CCDC166: variants seen among roughly 807,000 people sequenced by gnomAD.
The protein encoded by CCDC166 is coiled-coil domain containing 166, also known as coiled-coil domain-containing protein 166.
CCDC166 carries 17 observed loss-of-function variants against 14.4 expected under a neutral mutation model. The ratio of observed to expected loss-of-function variants is 1.18; its 90% CI spans 0.81 to 1.77. CCDC166 has a LOEUF of 1.77. Ranked by LOEUF, CCDC166 falls within the 40% of genes most tolerant of loss-of-function variation. CCDC166 has a pLI of 0.00. For synonymous variants in CCDC166, 336 were observed against 330.1 expected, an observed-to-expected ratio of 1.02 and a Z score of -0.20; for missense variants, 738 against 665.8, an observed-to-expected ratio of 1.11 and a Z score of -1.19.
chr8:143,706,722 G>A lies in CCDC166; in HGVS notation c.1292C>T (p.Ala431Val). The part of the protein sequence containing the change: ...QSEDSVNAEA[A>V]AEASPGRA ...GGCTCTACCCGGGGAGGCTTCTGCC[G>A]CAGCTTCAGCGTTCACGCTGTCCTC... Residue 431 changes from alanine (A) to valine (V), a missense_variant, in exon 2 of 2, where the codon GCG becomes GTG. Transcript: ENST00000542437. The A allele has an allele frequency of 1.3e-6, 2 of 1,545,772 alleles. No homozygotes were observed. Among genetic ancestry groups the A allele is most frequent in the Non-Finnish European group, 8.7e-7 (1 of 1,143,096 alleles).
At position 143,707,159 on chromosome 8, in the gene CCDC166, C is replaced by T. The variant is rs1173341760; in HGVS notation, c.855G>A (p.Pro285=). Reference sequence around the variant, plus strand: ...GGCGCGAGGTGGGCTGGGAGAAGGCCGGCCGCTCCCAGAGCGGCGGGCCTC... The same window carrying T: ...GGCGCGAGGTGGGCTGGGAGAAGGCTGGCCGCTCCCAGAGCGGCGGGCCTC... ...GPGGPPLWER[P]AFSQPTSRPG... Residue 285 remains proline, a synonymous_variant, in exon 2 of 2, where the codon CCG becomes CCA. Transcript: ENST00000542437. The surrounding 1 kb of genome is among the most constrained non-coding windows in gnomAD (Gnocchi z 8.0). 1 of 1,406,390 alleles carries T rather than the reference C, an allele frequency of 7.1e-7. No homozygotes were observed. Among genetic ancestry groups the T allele is most frequent in the Non-Finnish European group, 9.2e-7 (1 of 1,090,834 alleles). 87.1% of individuals were successfully genotyped at this position (1,406,390 alleles called of 1,614,324 possible).
Position 143,706,932 on chromosome 8 carries a change from A to G in CCDC166, c.1082T>C (p.Leu361Pro). 1 of 1,548,906 alleles carries G rather than the reference A, an allele frequency of 6.5e-7. No homozygotes were observed. Among genetic ancestry groups the G allele is most frequent in the South Asian group, 1.2e-5 (1 of 84,058 alleles). Residue 361 changes from leucine to proline, a missense_variant, in exon 2 of 2, where the codon CTG (leucine) becomes CCG (proline). Coordinates refer to ENST00000542437, the MANE Select transcript of CCDC166 (RefSeq NM_001162914.1). The stretch of plus-strand genomic sequence containing the variant: ...CCGGGAGCCTGCGCGCGAAGCGGTC[A>G]GGGATGGCATCCGGGATCCCACCTT... ...TSKVGSRMPS[L>P]TASRAGSRAL...
In CCDC166 at chr8:143,707,706, G is replaced by C. The variant is rs1554616888; in HGVS notation, c.404C>G (p.Ala135Gly). The C allele has an allele frequency of 6.6e-7, 1 of 1,509,914 alleles. No individual in the cohort carries two copies. The highest frequency in any genetic ancestry group is 2.1e-5 in the Admixed American group (1 of 48,724). The allele number at this position is 1,509,914 out of a possible 1,614,324, so 93.5% of individuals were successfully genotyped here. A position where few individuals can be genotyped will look rare whatever the true frequency, so the allele number is the denominator to read the frequency against. ...CTCTTGCACCTGCTGTGCCATCTGT[G>C]CCGCGCGCGCCTCCATCTCCAACAG... The part of the protein sequence containing the change: ...AQLLEMEARA[A>G]QMAQQVQELQ... Residue 135 changes from alanine (A) to glycine (G), a missense_variant, in exon 1 of 2, where the codon GCA becomes GGA. Physicochemically the swap from Ala to Gly is moderately conservative, Grantham distance 60 (BLOSUM62 0). Coordinates refer to ENST00000542437, the MANE Select transcript of CCDC166 (RefSeq NM_001162914.1). The surrounding 1 kb of genome is among the most constrained non-coding windows in gnomAD (Gnocchi z 8.0).
At position 143,707,957 on chromosome 8, in the gene CCDC166, G is replaced by T. The variant is rs1554616997; in HGVS notation, c.153C>A (p.Ser51Arg). Residue 51 changes from serine (S) to arginine (R), a missense_variant, in exon 1 of 2, where the codon AGC (serine) becomes AGA (arginine). Transcript: ENST00000542437. This position sits in a 1 kb window ranked among gnomAD's most constrained non-coding sequence, Gnocchi z 8.0. Reference protein sequence around the residue: ...LSEQLDTCEESVDQVLRENAF... With the variant: ...LSEQLDTCEERVDQVLRENAF... ...CGTTCTCTCGCAGCACCTGGTCAAC[G>T]CTCTCCTCGCAGGTGTCCAGCTGCT... 4 of 1,537,032 alleles carry T rather than the reference G, an allele frequency of 2.6e-6. No individual in the cohort carries two copies. The highest frequency in any genetic ancestry group is 3.5e-6 in the Non-Finnish European group (4 of 1,146,598).
rs1563740900 is a variant in CCDC166 at position 143,707,033 on chromosome 8, CG to C, written c.980del (p.Pro327ArgfsTer35). ...AGGGGACCCGGGAAGCCTCGCGCGA[CG>C]GGACCACGGACGAGGCCCGGGGGGC... ...RAAPRASSVV[P>X]SREASRVPSL... is the part of the protein sequence containing the mutation. On this transcript the variant is annotated frameshift_variant, in exon 2 of 2. Coordinates refer to ENST00000542437, the MANE Select transcript of CCDC166 (RefSeq NM_001162914.1). LOFTEE classifies it low-confidence loss of function (END_TRUNC). This position sits in a 1 kb window ranked among gnomAD's most constrained non-coding sequence, Gnocchi z 8.0. 1.3e-6 allele frequency: 2 copies of C among 1,535,404 alleles called. No individual in the cohort carries two copies. The highest frequency in any genetic ancestry group is 2.5e-5 in the East Asian group (1 of 40,800).
chr8:143,708,047 C>G lies in CCDC166; in HGVS notation c.63G>C (p.Ala21=), dbSNP rs1045844985. The change falls in exon 1 of 2, where the codon GCG becomes GCC. Residue 21 remains alanine (A), a synonymous_variant. Coordinates refer to ENST00000542437, the MANE Select transcript of CCDC166 (RefSeq NM_001162914.1). The part of the protein sequence containing the change: ...AGSQPGGAAA[A]GAEQPLSERA... ...GCTCCGATAGCGGCTGCTCGGCACC[C>G]GCGGCCGCCGCACCACCTGGCTGGC... 1 of 1,488,230 alleles carries G rather than the reference C, an allele frequency of 6.7e-7. No homozygotes were observed. Among genetic ancestry groups the G allele is most frequent in the East Asian group, 2.5e-5 (1 of 39,724 alleles). The allele number at this position is 1,488,230 out of a possible 1,614,324, so 92.2% of individuals were successfully genotyped here.
At position 143,707,534 on chromosome 8, in the gene CCDC166, C is replaced by A; in HGVS notation, c.480G>T (p.Ala160=). 7.3e-7 allele frequency: 1 copy of A among 1,364,944 alleles called. No homozygotes were observed. The highest frequency in any genetic ancestry group is 9.4e-7 in the Non-Finnish European group (1 of 1,062,678). The allele number at this position is 1,364,944 out of a possible 1,614,324, so 84.6% of individuals were successfully genotyped here. Residue 160 remains alanine, a synonymous_variant, in exon 2 of 2, where the codon GCG becomes GCT. Coordinates refer to ENST00000542437, the MANE Select transcript of CCDC166 (RefSeq NM_001162914.1). This position sits in a 1 kb window ranked among gnomAD's most constrained non-coding sequence, Gnocchi z 8.0. The stretch of plus-strand genomic sequence containing the variant: ...GCATATGCAGCAGCTCGCGCTCCAG[C>A]GCCCGGATCCGGGCCAGCTGCTCCA... The part of the protein sequence containing the change: ...LQLEQLARIR[A]LERELLHMRV...
rs1554616910 is a variant in CCDC166 at position 143,707,755 on chromosome 8, G to C, written c.355C>G (p.Arg119Gly). The C allele has an allele frequency of 2.3e-5, 35 of 1,536,928 alleles. No individual in the cohort carries two copies. Among genetic ancestry groups the C allele is most frequent in the Non-Finnish European group, 3.0e-5 (34 of 1,144,570 alleles). ...AGCTGCGCGCGCACCCCGTCCTCGC[G>C]CCCGTGGTAGAGCGAGGCCAGTTCC... ...RAELASLYHG[R>G]EDGVRAQLLE... Residue 119 changes from arginine (R) to glycine (G), a missense_variant, in exon 1 of 2, where the codon CGC (arginine) becomes GGC (glycine). Transcript: ENST00000542437. The surrounding 1 kb of genome is among the most constrained non-coding windows in gnomAD (Gnocchi z 8.0).
chr8:143,707,451 G>A lies in CCDC166; in HGVS notation c.563C>T (p.Ala188Val), dbSNP rs1554616814. 2.0e-6 allele frequency: 3 copies of A among 1,476,746 alleles called. No individual in the cohort carries two copies. The highest frequency in any genetic ancestry group is 2.7e-6 in the Non-Finnish European group (3 of 1,121,478). The allele number at this position is 1,476,746 out of a possible 1,614,324, so 91.5% of individuals were successfully genotyped here. Residue 188 changes from alanine (A) to valine (V), a missense_variant, in exon 2 of 2, where the codon GCG becomes GTG. By Grantham distance (64) the Ala-to-Val change is moderately conservative. Coordinates refer to ENST00000542437, the MANE Select transcript of CCDC166 (RefSeq NM_001162914.1). This position sits in a 1 kb window ranked among gnomAD's most constrained non-coding sequence, Gnocchi z 8.0. ...CTGACGCGCCTCGCGCTCGAAGGCC[G>A]CCTTGTCCTCCAGGAAGCGCCGCTT... ...RVKRRFLEDK[A>V]AFEREARQRV...
rs782277718 is a variant in CCDC166, at chr8:143,708,019, C to T, written c.91G>A (p.Ala31Thr). The T allele has an allele frequency of 2.4e-5, 37 of 1,515,196 alleles. No individual in the cohort carries two copies. Among genetic ancestry groups the T allele is most frequent in the Admixed American group, 4.0e-5 (2 of 50,454 alleles). 93.9% of individuals were successfully genotyped at this position (1,515,196 alleles called of 1,614,324 possible). A position where few individuals can be genotyped will look rare whatever the true frequency, so the allele number is the denominator to read the frequency against. Residue 31 changes from alanine (A) to threonine (T), a missense_variant, in exon 1 of 2, where the codon GCG (alanine) becomes ACG (threonine). Transcript: ENST00000542437. ...AGAEQPLSER[A>T]QYLQREHALL... is the part of the protein sequence containing the mutation. ...GCGTGTTCGCGTTGCAGGTACTGCG[C>T]GCGCTCCGATAGCGGCTGCTCGGCA...
Position 143,707,433 on chromosome 8 carries a change from G to T in CCDC166, c.581C>A (p.Ala194Glu). The T allele has an allele frequency of 6.8e-7, 1 of 1,474,888 alleles. No homozygotes were observed. Among genetic ancestry groups the T allele is most frequent in the Non-Finnish European group, 8.9e-7 (1 of 1,120,788 alleles). The allele number at this position is 1,474,888 out of a possible 1,614,324, so 91.4% of individuals were successfully genotyped here. A position where few individuals can be genotyped will look rare whatever the true frequency, so the allele number is the denominator to read the frequency against. ...LEDKAAFERE[A>E]RQRVQSLARR... ...CGCCAGTGACTGCACGCGCTGACGC[G>T]CCTCGCGCTCGAAGGCCGCCTTGTC... is the stretch of plus-strand genomic sequence containing the variant. Residue 194 changes from alanine to glutamate, a missense_variant, in exon 2 of 2, where the codon GCG becomes GAG. Ala to Glu is a moderately radical substitution (Grantham distance 107, BLOSUM62 -1). Coordinates refer to ENST00000542437, the MANE Select transcript of CCDC166 (RefSeq NM_001162914.1). This position sits in a 1 kb window ranked among gnomAD's most constrained non-coding sequence, Gnocchi z 8.0.
Position 143,707,014 on chromosome 8 carries a change from C to T in CCDC166, c.1000G>A (p.Val334Ile), listed in dbSNP as rs1300282163. The change falls in exon 2 of 2, where the codon GTC becomes ATC. Residue 334 changes from valine (V) to isoleucine (I), a missense_variant. Coordinates refer to ENST00000542437, the MANE Select transcript of CCDC166 (RefSeq NM_001162914.1). This position sits in a 1 kb window ranked among gnomAD's most constrained non-coding sequence, Gnocchi z 8.0. ...ATGCTCGATAGCACCAACGAGGGGA[C>T]CCGGGAAGCCTCGCGCGACGGGACC... ...SVVPSREASR[V>I]PSLVLSSMDS... The T allele has an allele frequency of 6.5e-7, 1 of 1,537,382 alleles. No homozygotes were observed. The highest frequency in any genetic ancestry group is 8.7e-7 in the Non-Finnish European group (1 of 1,146,788).
chr8:143,706,713 G>A lies in CCDC166; in HGVS notation c.1301C>T (p.Ala434Val), dbSNP rs1424339703. The A allele has an allele frequency of 5.2e-6, 8 of 1,544,846 alleles. No homozygotes were observed. The Admixed American group carries it at 1.4e-4, about 27-fold the overall frequency. Reference protein sequence around the residue: ...DSVNAEAAAEASPGRA With the variant: ...DSVNAEAAAEVSPGRA ...GCAGGTTCAGGCTCTACCCGGGGAG[G>A]CTTCTGCCGCAGCTTCAGCGTTCAC... The change falls in exon 2 of 2, where the codon GCC (alanine) becomes GTC (valine). Residue 434 changes from alanine (A) to valine (V), a missense_variant. Physicochemically the swap from Ala to Val is moderately conservative, Grantham distance 64. Transcript: ENST00000542437.
rs782389568 is a variant in CCDC166 at position 143,707,791 on chromosome 8, A to T, written c.319T>A (p.Trp107Arg). Reference protein sequence around the residue: ...QNRVDLAQIHWQRAELASLYH... With the variant: ...QNRVDLAQIHRQRAELASLYH... Reference sequence around the variant, plus strand: ...AGCGAGGCCAGTTCCGCCCGCTGCCAGTGGATCTGCGCTAGGTCCACGCGG... The same window carrying T: ...AGCGAGGCCAGTTCCGCCCGCTGCCTGTGGATCTGCGCTAGGTCCACGCGG... Residue 107 changes from tryptophan to arginine, a missense_variant, in exon 1 of 2, where the codon TGG (tryptophan) becomes AGG (arginine). By Grantham distance (101) the Trp-to-Arg change is moderately radical (BLOSUM62 -3). Transcript: ENST00000542437. This position sits in a 1 kb window ranked among gnomAD's most constrained non-coding sequence, Gnocchi z 8.0. 6 of 1,540,322 alleles carry T rather than the reference A, an allele frequency of 3.9e-6. No individual in the cohort carries two copies. In the South Asian group the frequency reaches 7.1e-5, roughly 18 times the overall value.
chr8:143,707,776 G>T lies in CCDC166; in HGVS notation c.334C>A (p.Leu112Met). 6.5e-7 allele frequency: 1 copy of T among 1,539,958 alleles called. No individual in the cohort carries two copies. Among genetic ancestry groups the T allele is most frequent in the Non-Finnish European group, 8.7e-7 (1 of 1,146,092 alleles). Reference sequence around the variant, plus strand: ...TCGCGCCCGTGGTAGAGCGAGGCCAGTTCCGCCCGCTGCCAGTGGATCTGC... The same window carrying T: ...TCGCGCCCGTGGTAGAGCGAGGCCATTTCCGCCCGCTGCCAGTGGATCTGC... Reference protein sequence around the residue: ...LAQIHWQRAELASLYHGREDG... With the variant: ...LAQIHWQRAEMASLYHGREDG... Residue 112 changes from leucine (L) to methionine (M), a missense_variant, in exon 1 of 2, where the codon CTG becomes ATG. Transcript: ENST00000542437. The surrounding 1 kb of genome is among the most constrained non-coding windows in gnomAD (Gnocchi z 8.0).
chr8:143,707,865 G>T lies in CCDC166; in HGVS notation c.245C>A (p.Ala82Glu). ...ENRLYASYVS[A>E]RAQRCAKAIV... Reference sequence around the variant, plus strand: ...GGCTTTGGCGCAGCGCTGGGCGCGCGCGCTCACGTAGCTGGCGTAGAGCCG... The same window carrying T: ...GGCTTTGGCGCAGCGCTGGGCGCGCTCGCTCACGTAGCTGGCGTAGAGCCG... Residue 82 changes from alanine (A) to glutamate (E), a missense_variant, in exon 1 of 2, where the codon GCG becomes GAG. Ala to Glu is a moderately radical substitution (Grantham distance 107, BLOSUM62 -1). Transcript: ENST00000542437. The surrounding 1 kb of genome is among the most constrained non-coding windows in gnomAD (Gnocchi z 8.0). The T allele has an allele frequency of 6.5e-7, 1 of 1,537,912 alleles. No individual in the cohort carries two copies.
Position 143,707,307 on chromosome 8 carries a change from C to T in CCDC166, c.707G>A (p.Arg236His). Residue 236 changes from arginine to histidine, a missense_variant, in exon 2 of 2, where the codon CGC becomes CAC. Arg to His is a conservative substitution (Grantham distance 29, BLOSUM62 0). Transcript: ENST00000542437. This position sits in a 1 kb window ranked among gnomAD's most constrained non-coding sequence, Gnocchi z 8.0. The part of the protein sequence containing the change: ...RLRQELLLLL[R>H]RTQLLHHTRR... ...CGTGTGGTGCAGCAGCTGGGTCCGG[C>T]GGAGCAGCAGCAGCAGCTCCTGCCG... 1.4e-6 allele frequency: 2 copies of T among 1,427,878 alleles called. No homozygotes were observed. Among genetic ancestry groups the T allele is most frequent in the Non-Finnish European group, 1.8e-6 (2 of 1,096,274 alleles). 88.5% of individuals were successfully genotyped at this position (1,427,878 alleles called of 1,614,324 possible). A position where few individuals can be genotyped will look rare whatever the true frequency, so the allele number is the denominator to read the frequency against.
rs1554616593 is a variant in CCDC166 at position 143,706,786 on chromosome 8, ACAGGC to A, written c.1223_1227del (p.Gly408ValfsTer20). 6.4e-7 allele frequency: 1 copy of A among 1,550,944 alleles called. No homozygotes were observed. Among genetic ancestry groups the A allele is most frequent in the East Asian group, 2.4e-5 (1 of 40,906 alleles). On this transcript the variant is annotated frameshift_variant, in exon 2 of 2. Transcript: ENST00000542437. LOFTEE classifies it low-confidence loss of function (END_TRUNC). ...AGAAGAGCCGGATCCCGATCCCGGG[ACAGGC>A]CAGAGAGAAGCTTGGGGCCAGACTT...
Position 143,707,304 on chromosome 8 carries a change from C to A in CCDC166, c.710G>T (p.Arg237Leu). 7.0e-7 allele frequency: 1 copy of A among 1,429,948 alleles called. No individual in the cohort carries two copies. Among genetic ancestry groups the A allele is most frequent in the South Asian group, 1.4e-5 (1 of 71,378 alleles). 88.6% of individuals were successfully genotyped at this position (1,429,948 alleles called of 1,614,324 possible). The change falls in exon 2 of 2, where the codon CGG (arginine) becomes CTG (leucine). Residue 237 changes from arginine (R) to leucine (L), a missense_variant. By Grantham distance (102) the Arg-to-Leu change is moderately radical. Coordinates refer to ENST00000542437, the MANE Select transcript of CCDC166 (RefSeq NM_001162914.1). The surrounding 1 kb of genome is among the most constrained non-coding windows in gnomAD (Gnocchi z 8.0). ...CCGCGTGTGGTGCAGCAGCTGGGTC[C>A]GGCGGAGCAGCAGCAGCAGCTCCTG... is the stretch of plus-strand genomic sequence containing the variant. ...LRQELLLLLR[R>L]TQLLHHTRRQ...
Sources: allele counts gnomAD v4.1 joint callset, GRCh38; gene constraint gnomAD v4.1.1; non-coding constraint Gnocchi (gnomAD v3.1); transcripts MANE v1.5; gene names NCBI Gene and HGNC (gene_info 2026-07-23, HGNC 2026-07-21).